The following ABCD3 variants were observed in gnomAD, a reference collection of about 807,000 sequenced individuals.
ABCD3 encodes ATP binding cassette subfamily D member 3.
ABCD3 carries 41 observed loss-of-function variants against 105.5 expected under a neutral mutation model. The observed-to-expected ratio is 0.39, with a 90% CI of 0.30 to 0.50. The LOEUF is 0.50. Among genes scored for constraint, ABCD3 ranks in the 20% least tolerant of loss-of-function variants. The probability of loss-of-function intolerance (pLI) is 0.84; values close to 1 mark genes in which losing one functional copy is unlikely to be tolerated. For synonymous variants in ABCD3, 258 were observed against 269.0 expected (o/e 0.96, Z 0.40); for missense variants, 622 against 806.3 (o/e 0.77, Z 2.77).
chr1:94,467,722 G>T (rs1467170131), intron 3 of ABCD3, among the ~76,000 whole-genome samples, 197 bp from the exon 4 acceptor site: 1 of 151,982 alleles, frequency 6.6e-6, no homozygotes, highest in East Asian at 1.9e-4. Context: ...GAATCTATGA[G>T]GCTTTTTTCA....
intron 1 of ABCD3, among the ~76,000 whole-genome samples, chr1:94,421,586 G>A (rs1259098332): frequency 6.6e-6 from 1 of 151,940 alleles, no homozygotes; most frequent in African/African-American, 2.4e-5. Context: ...GTGTGTGTGT[G>A]TGTGTATTAC....
intron 1 of ABCD3, among the ~76,000 whole-genome samples, chr1:94,445,872 A>G (rs1454069210): frequency 6.6e-6 from 1 of 152,100 alleles, no homozygotes; most frequent in Non-Finnish European, 1.5e-5. Context: ...TCTGCGACCT[A>G]TTAGAGGGAA....
At chr1:94,506,100 T>A (rs926101109) in intron 20 of ABCD3, among the ~76,000 whole-genome samples, 3 of 152,114 alleles carry the variant, frequency 2.0e-5, no homozygotes, top group Non-Finnish European at 4.4e-5. Context: ...ACAGGTACAA[T>A]AAAAATTATT....
intron 21 of ABCD3, among the ~76,000 whole-genome samples, chr1:94,507,142 T>G (rs150705707): frequency 0.38 from 57,120 of 150,492 alleles, 11,734 homozygotes; most frequent in Middle Eastern, 0.55. Flanking sequence ...CCTCCCCCCT[T>G]CCCCCACCCC....
chr1:94,457,348 G>A (rs561082971), intron 1 of ABCD3, among the ~76,000 whole-genome samples: 10 of 152,138 alleles, frequency 6.6e-5, no homozygotes, highest in South Asian at 4.2e-4. Context: ...TAAAATAAGC[G>A]CATCTATTGT....
chr1:94,401,248 A>G, the ABCD3 span, among the ~76,000 whole-genome samples: 22 of 152,374 alleles, frequency 1.4e-4, no homozygotes, highest in African/African-American at 5.0e-4. Context: ...ACTGTTTAAG[A>G]GAGATATCCA....
intron 21 of ABCD3, among the ~76,000 whole-genome samples, chr1:94,513,045 A>G (rs904305536): frequency 4.7e-4 from 72 of 152,084 alleles, no homozygotes; most frequent in Admixed American, 5.3e-4. Flanking sequence ...CAAAATTCTA[A>G]GATGATTCAA....
intron 20 of ABCD3, among the ~76,000 whole-genome samples, chr1:94,505,638 AGAG>A (rs969875062): frequency 3.0e-4 from 45 of 152,268 alleles, no homozygotes; most frequent in African/African-American, 1.1e-3. Flanking sequence ...TACAGGAAAA[AGAG>A]GAGGAGACCT....
chr1:94,426,578 T>C (rs923803403), intron 1 of ABCD3, among the ~76,000 whole-genome samples: 6 of 151,904 alleles, frequency 3.9e-5, no homozygotes, highest in African/African-American at 1.5e-4. Context: ...AGTCCTGCTC[T>C]GTCACCCAGG....
intron 16 of ABCD3, among the ~76,000 whole-genome samples, chr1:94,496,745 G>T (rs898523113): frequency 4.8e-5 from 2 of 41,978 alleles, no homozygotes; most frequent in African/African-American, 1.0e-4. Context: ...CTACATTCCT[G>T]CTTCAGTGCC....
rs763314209 is a variant in ABCD3 at position 94,418,484 on chromosome 1, G to T, written c.6G>T (p.Ala2=). 2.5e-6 allele frequency: 4 copies of T among 1,600,064 alleles called. No homozygotes were observed. The highest frequency in any genetic ancestry group is 3.4e-6 in the Non-Finnish European group (4 of 1,177,514). The change falls in exon 1 of 23, where the codon GCG becomes GCT. Residue 2 remains alanine (A), a synonymous_variant. Transcript: ENST00000370214. ...TCGCTGGTACCGGCAGTGCCATGGC[G>T]GCCTTCAGCAAGTACTTGACGGCGC... M[A]AFSKYLTARN...
At chr1:94,502,810 A>G (rs1014750059) in intron 20 of ABCD3, among the ~76,000 whole-genome samples, 9 of 152,010 alleles carry the variant, frequency 5.9e-5, no homozygotes, top group Admixed American at 5.9e-4. Context: ...TTACAGAGGA[A>G]ATTGAACTTT....
At chr1:94,433,474 T>C (rs1240037233) in intron 1 of ABCD3, among the ~76,000 whole-genome samples, 4 of 151,818 alleles carry the variant, frequency 2.6e-5, no homozygotes, top group Non-Finnish European at 4.4e-5. Context: ...ATTTTATTGT[T>C]GTGTGAACAT....
intron 14 of ABCD3, 35 bp downstream of exon 14, chr1:94,489,851 T>G: frequency 6.2e-7 from 1 of 1,612,062 alleles, no homozygotes; most frequent in Non-Finnish European, 8.5e-7. Context: ...GGTCACAATT[T>G]TAAGTGTTTG....
chr1:94,508,309 C>T (rs972899236), intron 21 of ABCD3, among the ~76,000 whole-genome samples: 30 of 151,966 alleles, frequency 2.0e-4, no homozygotes, highest in Middle Eastern at 3.2e-3. Context: ...TGTAGATATG[C>T]GGCGTTATTT....
chr1:94,419,251 C>G (rs1304240596), intron 1 of ABCD3: 1 of 982,092 alleles, frequency 1.0e-6, no homozygotes. Flanking sequence ...AAGGCTGGAT[C>G]GGTTCTGTCG....
At chr1:94,496,902 G>A (rs549512110) in intron 16 of ABCD3, among the ~76,000 whole-genome samples, 27 of 151,394 alleles carry the variant, frequency 1.8e-4, no homozygotes, top group Middle Eastern at 3.4e-3. Context: ...TGAGTAGCTG[G>A]GATTACAGGT....
chr1:94,423,399 G>A (rs1659337357), intron 1 of ABCD3, among the ~76,000 whole-genome samples: 1 of 152,174 alleles, frequency 6.6e-6, no homozygotes, highest in African/African-American at 2.4e-5. Flanking sequence ...CTCTGTAAAT[G>A]GTGGGAACAC....
the ABCD3 span, among the ~76,000 whole-genome samples, chr1:94,390,737 C>T: frequency 6.6e-6 from 1 of 152,210 alleles, no homozygotes; most frequent in Admixed American, 6.5e-5. Context: ...GGCTCTTACT[C>T]TGTAGGCTGG....
Sources: gnomAD v4.1 joint callset for allele counts (sites outside exome capture counted in the v4.1 genomes callset) on GRCh38, gnomAD v4.1.1 for gene constraint, MANE v1.5 for transcripts, NCBI Gene and HGNC (gene_info 2026-07-23, HGNC 2026-07-21) for gene names.